The following TMEM132B variants were observed in gnomAD, a reference collection of about 807,000 sequenced individuals.
The protein encoded by TMEM132B is transmembrane protein 132B.
Under a neutral mutation model 90.8 loss-of-function variants are expected in TMEM132B, and 18 were observed. That is an observed-to-expected ratio of 0.20 (90% CI 0.14 to 0.29). The LOEUF (loss-of-function observed/expected upper bound fraction) is 0.29. Among genes scored for constraint, TMEM132B ranks in the 10% least tolerant of loss-of-function variants. TMEM132B has a pLI of 1.00. For synonymous variants in TMEM132B, 504 were observed against 523.3 expected, an observed-to-expected ratio of 0.96 and a Z score of 0.50; for missense variants, 1,096 against 1,326.8, an observed-to-expected ratio of 0.83 and a Z score of 2.70.
intron 5 of TMEM132B, among the ~76,000 whole-genome samples, chr12:125,619,330 ATATTTATTTATTTATTTATTTATTTATT>A (rs58234813): frequency 7.9e-5 from 11 of 139,834 alleles, no homozygotes; most frequent in Admixed American, 2.2e-4. Flanking sequence ...GCATTTATTT[ATATTTATTTATTTATTTATTTATTTATT>A]TATTTATTTA....
chr12:125,451,300 G>A (rs183693708), intron 3 of TMEM132B, among the ~76,000 whole-genome samples: 13 of 152,188 alleles, frequency 8.5e-5, no homozygotes, highest in Admixed American at 4.6e-4. Context: ...AGTATTTAGG[G>A]GTAAGTGGCC....
chr12:125,502,805 T>G (rs556417783), intron 3 of TMEM132B, among the ~76,000 whole-genome samples: 13 of 152,268 alleles, frequency 8.5e-5, no homozygotes, highest in African/African-American at 3.1e-4. Context: ...AATGTTTGAA[T>G]GAATATATCA....
intron 5 of TMEM132B, among the ~76,000 whole-genome samples, chr12:125,614,997 T>C (rs967722615): frequency 6.6e-6 from 1 of 152,210 alleles, no homozygotes; most frequent in African/African-American, 2.4e-5. Flanking sequence ...AATGTTATCC[T>C]GCTGTCCTCA....
chr12:125,450,322 A>C (rs1881115588), intron 3 of TMEM132B, among the ~76,000 whole-genome samples: 1 of 152,218 alleles, frequency 6.6e-6, no homozygotes, highest in Non-Finnish European at 1.5e-5. Context: ...GAAGATAAAA[A>C]AAATGATGAT....
chr12:125,254,776 C>A (rs771539944), intron 1 of TMEM132B, among the ~76,000 whole-genome samples: 2 of 151,718 alleles, frequency 1.3e-5, no homozygotes, highest in African/African-American at 2.4e-5. Flanking sequence ...CTCCGCCTCC[C>A]GAGTCCAAGT....
intron 2 of TMEM132B, among the ~76,000 whole-genome samples, chr12:125,379,387 G>A (rs576769584): frequency 6.6e-6 from 1 of 152,102 alleles, no homozygotes; most frequent in East Asian, 1.9e-4. Context: ...ATGCAGGAAG[G>A]GGCCACAAGC....
At chr12:125,592,536 A>AG (rs765025278) in intron 5 of TMEM132B, among the ~76,000 whole-genome samples, 3 of 152,232 alleles carry the variant, frequency 2.0e-5, no homozygotes, top group Non-Finnish European at 4.4e-5. Context: ...AGTGGATGTC[A>AG]GAAAAAAAAA....
chr12:125,347,650 G>A (rs1877406200), intron 1 of TMEM132B, among the ~76,000 whole-genome samples: 1 of 152,112 alleles, frequency 6.6e-6, no homozygotes, highest in Non-Finnish European at 1.5e-5. Context: ...CATTTTAAGC[G>A]CCACGGTCAG....
intron 3 of TMEM132B, among the ~76,000 whole-genome samples, chr12:125,452,812 G>A (rs566696795): frequency 6.6e-6 from 1 of 151,914 alleles, no homozygotes; most frequent in Non-Finnish European, 1.5e-5. Flanking sequence ...TTGCCCACTA[G>A]CTGATTTTTC....
intron 4 of TMEM132B, among the ~76,000 whole-genome samples, chr12:125,557,733 T>A (rs11058242): frequency 0.026 from 3,941 of 152,154 alleles, 135 homozygotes; most frequent in East Asian, 0.14. Flanking sequence ...AATAAGATAG[T>A]CTCCGAGACT....
chr12:125,504,115 G>A (rs1318378664), intron 3 of TMEM132B, among the ~76,000 whole-genome samples: 1 of 152,182 alleles, frequency 6.6e-6, no homozygotes, highest in African/African-American at 2.4e-5. Flanking sequence ...CACTTAGGGA[G>A]ATTTACACAT....
chr12:125,238,377 C>CAAAAAAA (rs1207886157), intron 1 of TMEM132B, among the ~76,000 whole-genome samples: 1 of 129,538 alleles, frequency 7.7e-6, no homozygotes, highest in Non-Finnish European at 1.7e-5. Flanking sequence ...AAAAAAAAAA[C>CAAAAAAA]AAAAAAAAAC....
At chr12:125,286,785 C>T (rs1334084336) in intron 1 of TMEM132B, among the ~76,000 whole-genome samples, 1 of 151,938 alleles carries the variant, frequency 6.6e-6, no homozygotes, top group Non-Finnish European at 1.5e-5. Flanking sequence ...CTCACTGCAA[C>T]CTCTGCCTCC....
In TMEM132B at chr12:125,243,569, G is replaced by C. The variant is rs556427594; in HGVS notation, c.67+56703G>C. ...GATCTGCCTGCCTCGGCCTCCCAAA[G>C]TGCTGGGACTACAGGCGTGAGCCAC... is the stretch of plus-strand genomic sequence containing the variant. On this transcript the variant is annotated intron_variant, in intron 1 of 8. Coordinates refer to ENST00000682704, the MANE Select transcript of TMEM132B (RefSeq NM_001366854.1). Among the ~76,000 whole-genome samples, 4 of 152,244 alleles carry C rather than the reference G, an allele frequency of 2.6e-5. No homozygotes were observed. In the South Asian group the frequency reaches 8.3e-4, roughly 32 times the overall value.
rs754992744 is a variant in TMEM132B at position 125,654,526 on chromosome 12, G to T, written c.3068G>T (p.Gly1023Val). The change falls in exon 9 of 9, where the codon GGC (glycine) becomes GTC (valine). Residue 1023 changes from glycine to valine, a missense_variant. Gly to Val is a moderately radical substitution (Grantham distance 109). Coordinates refer to ENST00000682704, the MANE Select transcript of TMEM132B (RefSeq NM_001366854.1). The surrounding 1 kb of genome is among the most constrained non-coding windows in gnomAD (Gnocchi z 5.8). ...EIKNEPMNSS[G>V]PKRKRVKFTS... ...AAAAATGAACCTATGAATTCTTCGGGCCCAAAGAGGAAGAGAGTCAAGTTC... is the reference window on the plus strand; with the variant it reads ...AAAAATGAACCTATGAATTCTTCGGTCCCAAAGAGGAAGAGAGTCAAGTTC... 1.2e-6 allele frequency: 2 copies of T among 1,614,016 alleles called. No homozygotes were observed. Among genetic ancestry groups the T allele is most frequent in the Non-Finnish European group, 8.5e-7 (1 of 1,180,036 alleles).
rs1881410983 is a variant in TMEM132B, at chr12:125,460,573, C to T, written c.1106+44896C>T. 6.6e-6 allele frequency among the ~76,000 whole-genome samples: 1 copy of T among 152,220 alleles called. No individual in the cohort carries two copies. Among genetic ancestry groups the T allele is most frequent in the African/African-American group, 2.4e-5 (1 of 41,456 alleles). On this transcript the variant is annotated intron_variant, in intron 3 of 8. Transcript: ENST00000682704. This position sits in a 1 kb window ranked among gnomAD's most constrained non-coding sequence, Gnocchi z 4.4. ...CGTTCTTAAGCTAAAGAAATCATCT[C>T]TCCTTCAGTCCAACGCATTTCACTC...
At position 125,655,417 on chromosome 12, in the gene TMEM132B, T is replaced by G. The variant is rs1313527815; in HGVS notation, c.*707T>G. On this transcript the variant is annotated 3_prime_UTR_variant, in exon 9 of 9. Coordinates refer to ENST00000682704, the MANE Select transcript of TMEM132B (RefSeq NM_001366854.1). The stretch of plus-strand genomic sequence containing the variant: ...GGTATCCAAGAAGCTTATTCTCACT[T>G]TGTTTTTTCCTTCCTTTTGTTGTTG... 6.6e-6 allele frequency: 1 copy of G among 152,248 alleles called. No individual in the cohort carries two copies. The highest frequency in any genetic ancestry group is 1.5e-5 in the Non-Finnish European group (1 of 68,050). 9.4% of individuals were successfully genotyped at this position (152,248 alleles called of 1,614,324 possible).
intron 3 of TMEM132B, among the ~76,000 whole-genome samples, chr12:125,474,094 T>TCCTTG (rs1881801572): frequency 7.5e-6 from 1 of 133,616 alleles, no homozygotes; most frequent in African/African-American, 2.9e-5. Flanking sequence ...TCCTTTCCTT[T>TCCTTG]CCTTCCTTTC....
At chr12:125,339,799 C>T (rs866467339) in intron 1 of TMEM132B, among the ~76,000 whole-genome samples, 34 of 152,146 alleles carry the variant, frequency 2.2e-4, no homozygotes, top group African/African-American at 7.5e-4. Flanking sequence ...TTTGCACCCC[C>T]CAATGGCCTT....
Sources: allele counts gnomAD v4.1 joint callset (sites outside exome capture counted in the v4.1 genomes callset), GRCh38; gene constraint gnomAD v4.1.1; non-coding constraint Gnocchi (gnomAD v3.1); transcripts MANE v1.5; gene names NCBI Gene and HGNC (gene_info 2026-07-23, HGNC 2026-07-21).